The following CCDC171 variants were observed in gnomAD, a reference collection of about 807,000 sequenced individuals.
CCDC171 encodes coiled-coil domain containing 171, also known as coiled-coil domain-containing protein 171.
A neutral mutation model predicts 168.2 loss-of-function variants in CCDC171; 177 were observed. The ratio of observed to expected loss-of-function variants is 1.05; its 90% CI spans 0.93 to 1.19. The LOEUF is 1.19. Among genes scored for constraint, CCDC171 ranks in the 50% most tolerant of loss-of-function variants. The pLI, the probability that CCDC171 is intolerant of heterozygous loss-of-function variation, is 0.00. For missense variants in CCDC171, 1,991 were observed against 1,539.0 expected (o/e 1.29, Z -4.91); for synonymous variants, 687 against 540.8 (o/e 1.27, Z -3.75).
At chr9:15,922,283 C>T (rs1356646570) in intron 25 of CCDC171, 3 of 211,696 alleles carry the variant, frequency 1.4e-5, no homozygotes, top group Non-Finnish European at 3.2e-5. Flanking sequence ...AGTTGAGAAT[C>T]ACTGTTTTAA....
rs138989790 is a variant in CCDC171, at chr9:15,675,187, G to GTTTTT, written c.1077-3554_1077-3550dup. On this transcript the variant is annotated intron_variant, in intron 9 of 25. Coordinates refer to ENST00000380701, the MANE Select transcript of CCDC171 (RefSeq NM_173550.4). ...ATCAGAGACTAGGATTGCAACTCCT[G>GTTTTT]TTTTTTTTTTTTTTTTTTTTTGCTT... Among the ~76,000 whole-genome samples the GTTTTT allele has an allele frequency of 2.9e-4, 22 of 75,526 alleles. 1 individual carries two copies. The highest frequency in any genetic ancestry group is 3.8e-4 in the Non-Finnish European group (17 of 44,178). 49.5% of individuals were successfully genotyped at this position (75,526 alleles called of 152,430 possible). A position where few individuals can be genotyped will look rare whatever the true frequency, so the allele number is the denominator to read the frequency against.
chr9:15,648,020 C>G (rs898439968), intron 7 of CCDC171, among the ~76,000 whole-genome samples: 1 of 152,178 alleles, frequency 6.6e-6, no homozygotes, highest in African/African-American at 2.4e-5. Flanking sequence ...CAAACCGAAT[C>G]CAGCAGCACA....
chr9:15,668,643 C>T (rs1254094276), intron 9 of CCDC171, among the ~76,000 whole-genome samples: 2 of 152,106 alleles, frequency 1.3e-5, no homozygotes, highest in Admixed American at 6.6e-5. Context: ...TCCATCCCAT[C>T]TTCCTTTTCC....
intron 2 of CCDC171, among the ~76,000 whole-genome samples, chr9:15,565,586 T>G (rs1043368012): frequency 1.3e-5 from 2 of 152,240 alleles, no homozygotes; most frequent in Non-Finnish European, 2.9e-5. Flanking sequence ...TAGATTTGCC[T>G]TTTTTGAACA....
At chr9:15,624,492 G>T (rs906275423) in intron 7 of CCDC171, among the ~76,000 whole-genome samples, 6 of 151,920 alleles carry the variant, frequency 3.9e-5, no homozygotes, top group Non-Finnish European at 7.4e-5. Flanking sequence ...GCCCCGGTGT[G>T]TGATGTTCCC....
chr9:16,052,510 G>C lies in CCDC171; in HGVS notation n.90-8136G>C, dbSNP rs1160993881. Among the ~76,000 whole-genome samples the C allele has an allele frequency of 2.0e-5, 3 of 152,128 alleles. No homozygotes were observed. In the East Asian group the frequency reaches 5.8e-4, roughly 29 times the overall value. On this transcript the variant is annotated intron_variant and non_coding_transcript_variant, in intron 1 of 1. Transcript: ENST00000478913. ...AAACTTCTCTTCACACTGGAAATGAGGAAACTGAGGCCTAGGAAGAGTAAC... is the reference window on the plus strand; with the variant it reads ...AAACTTCTCTTCACACTGGAAATGACGAAACTGAGGCCTAGGAAGAGTAAC...
At chr9:16,027,626 C>A (rs1204109425) in intron 6 of CCDC171, among the ~76,000 whole-genome samples, 1 of 152,184 alleles carries the variant, frequency 6.6e-6, no homozygotes, top group Non-Finnish European at 1.5e-5. Flanking sequence ...GCAGTCCAGG[C>A]TGATTCCCTA....
At chr9:15,900,243 C>G (rs1345909025) in intron 24 of CCDC171, among the ~76,000 whole-genome samples, 1 of 152,140 alleles carries the variant, frequency 6.6e-6, no homozygotes, top group African/African-American at 2.4e-5. Context: ...TTCAAGAAGC[C>G]AAGGTGTCTG....
rs148098594 is a variant in CCDC171, at chr9:15,621,850, A to G, written c.676-1417A>G. ...GCATGCATATGTTCATTGCAGCACTATTCACAATAGCAAAGACATGGAGTC... is the reference window on the plus strand; with the variant it reads ...GCATGCATATGTTCATTGCAGCACTGTTCACAATAGCAAAGACATGGAGTC... On this transcript the variant is annotated intron_variant, in intron 6 of 25. Coordinates refer to ENST00000380701, the MANE Select transcript of CCDC171 (RefSeq NM_173550.4). Among the ~76,000 whole-genome samples, 217 of 152,362 alleles carry G rather than the reference A, an allele frequency of 1.4e-3. 1 individual carries two copies. The highest frequency in any genetic ancestry group is 4.4e-3 in the African/African-American group (185 of 41,586).
chr9:16,095,899 T>TATATATATATATATATATATATACAC, the CCDC171 span, among the ~76,000 whole-genome samples: 8 of 140,222 alleles, frequency 5.7e-5, no homozygotes, highest in African/African-American at 1.9e-4. Flanking sequence ...TATATATATA[T>TATATATATATATATATATATATACAC]ACTGCCTCCA....
chr9:15,887,635 C>T (rs952870337), intron 24 of CCDC171, among the ~76,000 whole-genome samples: 3 of 151,962 alleles, frequency 2.0e-5, no homozygotes, highest in African/African-American at 4.8e-5. Context: ...TAAGCCAAAA[C>T]CCAAATCAAC....
At chr9:15,841,084 C>G (rs964963327) in intron 21 of CCDC171, among the ~76,000 whole-genome samples, 34 of 152,020 alleles carry the variant, frequency 2.2e-4, no homozygotes, top group African/African-American at 8.0e-4. Context: ...ACAACAAAAT[C>G]TTACAGCATA....
intron 25 of CCDC171, among the ~76,000 whole-genome samples, chr9:15,937,892 T>A (rs1011972783): frequency 1.3e-5 from 2 of 151,954 alleles, no homozygotes; most frequent in African/African-American, 4.8e-5. Context: ...TTGTCCAAGT[T>A]AAGAGTTAAT....
At chr9:15,609,254 C>T (rs2043471413) in intron 6 of CCDC171, among the ~76,000 whole-genome samples, 1 of 151,930 alleles carries the variant, frequency 6.6e-6, no homozygotes, top group Admixed American at 6.6e-5. Context: ...TGCCTGCCAC[C>T]ATGCCCAGCT....
intron 3 of CCDC171, among the ~76,000 whole-genome samples, chr9:15,981,636 C>T (rs1831800030): frequency 6.6e-6 from 1 of 152,126 alleles, no homozygotes; most frequent in Non-Finnish European, 1.5e-5. Flanking sequence ...GTTAGATGTT[C>T]TTTTGTGGTT....
chr9:15,928,607 C>T (rs1826150843), intron 25 of CCDC171, among the ~76,000 whole-genome samples: 1 of 151,684 alleles, frequency 6.6e-6, no homozygotes, highest in Non-Finnish European at 1.5e-5. Context: ...AATTCACCTG[C>T]ATTTTATGTC....
chr9:15,661,222 G>A (rs2048292363), intron 8 of CCDC171, among the ~76,000 whole-genome samples: 1 of 149,066 alleles, frequency 6.7e-6, no homozygotes, highest in South Asian at 2.1e-4. Context: ...GGAGGCTGCA[G>A]TGAGCAGAGA....
At chr9:15,652,525 G>T (rs2047605434) in intron 7 of CCDC171, among the ~76,000 whole-genome samples, 1 of 151,486 alleles carries the variant, frequency 6.6e-6, no homozygotes, top group Non-Finnish European at 1.5e-5. Flanking sequence ...CTGCCTCCCA[G>T]GCTCAAGCCA....
intron 18 of CCDC171, among the ~76,000 whole-genome samples, chr9:15,773,702 G>T (rs1588418578): frequency 8.9e-6 from 1 of 112,070 alleles, no homozygotes; most frequent in Admixed American, 1.0e-4. Context: ...ATCACTAGAG[G>T]ATTTTTTTTT....
Sources: gnomAD v4.1 joint callset for allele counts (sites outside exome capture counted in the v4.1 genomes callset) on GRCh38, gnomAD v4.1.1 for gene constraint, MANE v1.5 for transcripts, NCBI Gene and HGNC (gene_info 2026-07-23, HGNC 2026-07-21) for gene names.